Variants in PCDHGA4 observed in about 807,000 individuals in gnomAD.
PCDHGA4 encodes the protein protocadherin gamma subfamily A, 4, also known as protocadherin gamma-A4.
PCDHGA4 carries 38 observed loss-of-function variants against 54.6 expected under a neutral mutation model. That is an observed-to-expected ratio of 0.70 (90% CI 0.54 to 0.91). The LOEUF is 0.91. Among genes scored for constraint, PCDHGA4 ranks in the 40% least tolerant of loss-of-function variants. PCDHGA4 has a pLI of 0.00. For synonymous variants in PCDHGA4, 511 were observed against 512.9 expected, an observed-to-expected ratio of 1.00 and a Z score of 0.05; for missense variants, 1,298 against 1,220.9, an observed-to-expected ratio of 1.06 and a Z score of -0.94.
At chr5:141,412,938 T>C (rs2095590973) in intron 1 of PCDHGA4, 3 of 461,786 alleles carry the variant, frequency 6.5e-6, no homozygotes, top group Admixed American at 7.7e-5. Context: ...TTCTTAGGAC[T>C]CTGAGCGCCG....
At chr5:141,358,065 C>T (rs1461000215) in intron 1 of PCDHGA4, among the ~76,000 whole-genome samples, 5 of 152,092 alleles carry the variant, frequency 3.3e-5, no homozygotes, top group African/African-American at 1.2e-4. Flanking sequence ...TGGTGTGTGC[C>T]CGTAGTCCCA....
rs780578882 is a variant in PCDHGA4 at position 141,486,578 on chromosome 5, C to T, written c.2515-8229C>T. On this transcript the variant is annotated intron_variant, in intron 1 of 3. Coordinates refer to ENST00000571252, the MANE Select transcript of PCDHGA4 (RefSeq NM_018917.4). This position sits in a 1 kb window ranked among gnomAD's most constrained non-coding sequence, Gnocchi z 5.0. ...TGAGGTGTTTGTTCCTGAGAACAAT[C>T]GCCCAGGGGACCTGCTTTGCTCCCT... 1.6e-5 allele frequency: 26 copies of T among 1,613,728 alleles called. No homozygotes were observed. The highest frequency in any genetic ancestry group is 2.2e-5 in the South Asian group (2 of 91,072).
chr5:141,415,739 GGTTTTTT>G lies in PCDHGA4; in HGVS notation c.2514+58119_2514+58125del. 7.6e-5 allele frequency: 33 copies of G among 434,894 alleles called. No homozygotes were observed. In the African/African-American group the frequency reaches 8.5e-4, roughly 11 times the overall value. The allele number at this position is 434,894 out of a possible 1,614,324, so 26.9% of individuals were successfully genotyped here. A position where few individuals can be genotyped will look rare whatever the true frequency, so the allele number is the denominator to read the frequency against. On this transcript the variant is annotated intron_variant, in intron 1 of 3. Transcript: ENST00000571252. ...ATGAGTAGAATTTGATGTTTATTAA[GGTTTTTT>G]TTTTTTTTTTTTTTTTTTTTTTTTT...
intron 1 of PCDHGA4, chr5:141,389,222 C>T (rs765730840): frequency 6.2e-7 from 1 of 1,614,072 alleles, no homozygotes; most frequent in Non-Finnish European, 8.5e-7. Flanking sequence ...TAAATGACAA[C>T]GCTCCGGTTT....
intron 1 of PCDHGA4, chr5:141,365,874 A>G (rs1015574143): frequency 3.1e-6 from 5 of 1,613,932 alleles, no homozygotes; most frequent in African/African-American, 2.7e-5. Flanking sequence ...GGTGTCCTGT[A>G]TGCTCTGAGA....
At chr5:141,403,342 C>T (rs766669117) in intron 1 of PCDHGA4, 4 of 1,613,976 alleles carry the variant, frequency 2.5e-6, no homozygotes, top group African/African-American at 1.3e-5. Context: ...ACGACAGCGC[C>T]CCAAAGTTCC....
In PCDHGA4 at chr5:141,410,925, C is replaced by T. The variant is rs576126485; in HGVS notation, c.2514+53304C>T. The T allele has an allele frequency of 2.3e-5, 5 of 217,506 alleles. No individual in the cohort carries two copies. The East Asian group carries it at 5.8e-4, about 25-fold the overall frequency. 13.5% of individuals were successfully genotyped at this position (217,506 alleles called of 1,614,324 possible). Reference sequence around the variant, plus strand: ...CTGGAGTGCAGTGGCGTGATCTCTGCTCACTGCAACCTCCGCCTTCTGGGT... The same window carrying T: ...CTGGAGTGCAGTGGCGTGATCTCTGTTCACTGCAACCTCCGCCTTCTGGGT... On this transcript the variant is annotated intron_variant, in intron 1 of 3. Coordinates refer to ENST00000571252, the MANE Select transcript of PCDHGA4 (RefSeq NM_018917.4).
At chr5:141,438,396 ACT>A (rs2097958956) in intron 1 of PCDHGA4, among the ~76,000 whole-genome samples, 2 of 150,930 alleles carry the variant, frequency 1.3e-5, no homozygotes, top group African/African-American at 4.9e-5. Context: ...TTCATCATTA[ACT>A]CTCTGAAGTA....
chr5:141,489,363 G>T lies in PCDHGA4; in HGVS notation c.2515-5444G>T, dbSNP rs767837736. 20 of 1,613,114 alleles carry T rather than the reference G, an allele frequency of 1.2e-5. No homozygotes were observed. Among genetic ancestry groups the T allele is most frequent in the Non-Finnish European group, 1.7e-5 (20 of 1,179,354 alleles). ...ACTCAGTGGTGGAGGAGTCTGAGCCGGGGACGCTGGTGGGGAATGTTGCTC... is the reference window on the plus strand; with the variant it reads ...ACTCAGTGGTGGAGGAGTCTGAGCCTGGGACGCTGGTGGGGAATGTTGCTC... On this transcript the variant is annotated intron_variant, in intron 1 of 3. Transcript: ENST00000571252. The surrounding 1 kb of genome is among the most constrained non-coding windows in gnomAD (Gnocchi z 4.5).
At chr5:141,484,931 A>ACGTT (rs1464416110) in intron 1 of PCDHGA4, 2 of 498,000 alleles carry the variant, frequency 4.0e-6, no homozygotes, top group Non-Finnish European at 7.2e-6. Flanking sequence ...TGCTGTTGGG[A>ACGTT]CGTTCTCTGC....
At position 141,476,321 on chromosome 5, in the gene PCDHGA4, G is replaced by A; in HGVS notation, c.2515-18486G>A. 1 of 1,614,196 alleles carries A rather than the reference G, an allele frequency of 6.2e-7. No homozygotes were observed. The highest frequency in any genetic ancestry group is 1.3e-5 in the African/African-American group (1 of 75,054). ...CCTCTCAGCCCGCAGGTTCCGGGTG[G>A]TGTCTGGAGCTAGCCGAAGATTCTT... On this transcript the variant is annotated intron_variant, in intron 1 of 3. Coordinates refer to ENST00000571252, the MANE Select transcript of PCDHGA4 (RefSeq NM_018917.4). The surrounding 1 kb of genome is among the most constrained non-coding windows in gnomAD (Gnocchi z 7.6).
rs1416755901 is a variant in PCDHGA4 at position 141,489,721 on chromosome 5, G to C, written c.2515-5086G>C. The C allele has an allele frequency of 6.2e-7, 1 of 1,614,016 alleles. No homozygotes were observed. The highest frequency in any genetic ancestry group is 8.5e-7 in the Non-Finnish European group (1 of 1,179,966). On this transcript the variant is annotated intron_variant, in intron 1 of 3. Coordinates refer to ENST00000571252, the MANE Select transcript of PCDHGA4 (RefSeq NM_018917.4). The surrounding 1 kb of genome is among the most constrained non-coding windows in gnomAD (Gnocchi z 4.5). ...CCCACTGGACAGTGCCCAGGATCCGGATGTGGGCACCAATACTGTGAGCTT... is the reference window on the plus strand; with the variant it reads ...CCCACTGGACAGTGCCCAGGATCCGCATGTGGGCACCAATACTGTGAGCTT...
intron 1 of PCDHGA4, among the ~76,000 whole-genome samples, chr5:141,456,790 C>T (rs1364747385): frequency 6.6e-6 from 1 of 151,976 alleles, no homozygotes; most frequent in Admixed American, 6.6e-5. Flanking sequence ...TGGCAAAACC[C>T]CATCTCTACT....
rs762996346 is a variant in PCDHGA4, at chr5:141,365,922, G to A, written c.2514+8301G>A. The A allele has an allele frequency of 1.9e-6, 3 of 1,614,196 alleles. No homozygotes were observed. In the Admixed American group the frequency reaches 5.0e-5, roughly 27 times the overall value. The stretch of plus-strand genomic sequence containing the variant: ...GAGCAGTTGAGAGACCTACAGTTGT[G>A]GGTGACAGCCAGCGACAGTGGGAAC... On this transcript the variant is annotated intron_variant, in intron 1 of 3. Coordinates refer to ENST00000571252, the MANE Select transcript of PCDHGA4 (RefSeq NM_018917.4).
In PCDHGA4 at chr5:141,389,258, C is replaced by T. The variant is rs373970987; in HGVS notation, c.2514+31637C>T. The stretch of plus-strand genomic sequence containing the variant: ...TCTCACAGTCTTCCTATATAGTCCA[C>T]GTGGCCGAGAACAACCCGCCTGGAG... On this transcript the variant is annotated intron_variant, in intron 1 of 3. Coordinates refer to ENST00000571252, the MANE Select transcript of PCDHGA4 (RefSeq NM_018917.4). 4 of 1,614,022 alleles carry T rather than the reference C, an allele frequency of 2.5e-6. No homozygotes were observed. The African/African-American group carries it at 4.0e-5, about 16-fold the overall frequency.
Position 141,490,743 on chromosome 5 carries a change from C to T in PCDHGA4, c.2515-4064C>T, listed in dbSNP as rs1011278142. 7.4e-6 allele frequency: 12 copies of T among 1,614,058 alleles called. No homozygotes were observed. The highest frequency in any genetic ancestry group is 1.0e-5 in the Non-Finnish European group (12 of 1,180,038). On this transcript the variant is annotated intron_variant, in intron 1 of 3. Transcript: ENST00000571252. This position sits in a 1 kb window ranked among gnomAD's most constrained non-coding sequence, Gnocchi z 5.4. ...TTGTAGGAAATCAGGTTCAGGGAGC[C>T]CCAGCCTCCTCCTTTGTGTATGTCA...
intron 1 of PCDHGA4, chr5:141,370,795 G>A: frequency 6.2e-7 from 1 of 1,613,996 alleles, no homozygotes; most frequent in Middle Eastern, 1.6e-4. Flanking sequence ...CCGACCTTTA[G>A]CCAAAATATC....
At chr5:141,399,363 G>A (rs773376480) in intron 1 of PCDHGA4, 5 of 1,613,910 alleles carry the variant, frequency 3.1e-6, no homozygotes, top group Non-Finnish European at 3.4e-6. Flanking sequence ...AGCAAACCCC[G>A]GAGTACAATG....
At chr5:141,433,828 ACT>A (rs1431945413) in intron 1 of PCDHGA4, among the ~76,000 whole-genome samples, 2 of 142,254 alleles carry the variant, frequency 1.4e-5, no homozygotes, top group Admixed American at 7.0e-5. Flanking sequence ...CAAGAGTGAA[ACT>A]CTATCTCAAA....
Sources: gnomAD v4.1 joint callset for allele counts (sites outside exome capture counted in the v4.1 genomes callset) on GRCh38, gnomAD v4.1.1 for gene constraint, Gnocchi (gnomAD v3.1) non-coding constraint, MANE v1.5 for transcripts, NCBI Gene and HGNC (gene_info 2026-07-23, HGNC 2026-07-21) for gene names.